The following SLC44A3 variants were observed in gnomAD, a reference collection of about 807,000 sequenced individuals.
SLC44A3 encodes the protein choline transporter-like protein 3.
Under a neutral mutation model 75.4 loss-of-function variants are expected in SLC44A3, and 74 were observed. The observed-to-expected ratio is 0.98, with a 90% CI of 0.81 to 1.19. The LOEUF is 1.19. Ranked by LOEUF, SLC44A3 falls within the 50% of genes most tolerant of loss-of-function variation. The pLI is 0.00. For missense variants in SLC44A3, 700 were observed against 778.6 expected (o/e 0.90, Z 1.20); for synonymous variants, 310 against 296.9 (o/e 1.04, Z -0.45).
intron 8 of SLC44A3, among the ~76,000 whole-genome samples, chr1:94,844,681 G>A (rs1664162605): frequency 6.6e-6 from 1 of 152,184 alleles, no homozygotes; most frequent in Non-Finnish European, 1.5e-5. Flanking sequence ...GGATCTGGAT[G>A]TTTGTGGGTG....
chr1:94,876,379 G>A (rs989930882), intron 12 of SLC44A3, among the ~76,000 whole-genome samples: 1 of 152,164 alleles, frequency 6.6e-6, no homozygotes, highest in African/African-American at 2.4e-5. Flanking sequence ...TCTTTGTCTG[G>A]AACAGTTGTT....
chr1:94,821,925 G>A (rs1228714076), intron 2 of SLC44A3, among the ~76,000 whole-genome samples: 2 of 152,168 alleles, frequency 1.3e-5, no homozygotes, highest in Admixed American at 6.5e-5. Flanking sequence ...ACATAGACAG[G>A]CTTGGTTACA....
rs902887564 is a variant in SLC44A3, at chr1:94,867,377, G to A, written c.1442G>A (p.Cys481Tyr). The A allele has an allele frequency of 6.2e-7, 1 of 1,605,864 alleles. No homozygotes were observed. Among genetic ancestry groups the A allele is most frequent in the African/African-American group, 1.3e-5 (1 of 74,616 alleles). Residue 481 changes from cysteine (C) to tyrosine (Y), a missense_variant, in exon 12 of 15, where the codon TGT becomes TAT. Physicochemically the swap from Cys to Tyr is radical, Grantham distance 194 (BLOSUM62 -2). Transcript: ENST00000271227. Reference protein sequence around the residue: ...SRYLFRCCYCCFWCLDKYLLH... With the variant: ...SRYLFRCCYCYFWCLDKYLLH... ...TACCTGTTCCGATGCTGCTACTGCT[G>A]TTTCTGGTGTCTTGACAAATACCTG... is the stretch of plus-strand genomic sequence containing the variant.
At chr1:94,855,997 C>A (rs1419479890) in intron 9 of SLC44A3, among the ~76,000 whole-genome samples, 1 of 152,222 alleles carries the variant, frequency 6.6e-6, no homozygotes, top group Admixed American at 6.5e-5. Flanking sequence ...AGTGAATTTA[C>A]CAGTGGATTT....
intron 9 of SLC44A3, among the ~76,000 whole-genome samples, chr1:94,852,245 A>G (rs1011906997): frequency 1.3e-5 from 2 of 152,228 alleles, no homozygotes; most frequent in African/African-American, 4.8e-5. Context: ...TTAAAAGTTG[A>G]TAAGTGGCAT....
chr1:94,849,178 T>C (rs1218034950), intron 9 of SLC44A3, among the ~76,000 whole-genome samples: 1 of 152,000 alleles, frequency 6.6e-6, no homozygotes, highest in Admixed American at 6.5e-5. Flanking sequence ...TGCAGCCACC[T>C]CTCAGGATCA....
At chr1:94,822,160 A>G (rs991472401) in intron 2 of SLC44A3, among the ~76,000 whole-genome samples, 2 of 152,246 alleles carry the variant, frequency 1.3e-5, no homozygotes, top group Middle Eastern at 3.4e-3. Context: ...TTGTGATTTA[A>G]TGATCTGCCG....
chr1:94,832,235 A>G lies in SLC44A3; in HGVS notation c.509+3649A>G, dbSNP rs185366984. Among the ~76,000 whole-genome samples the G allele has an allele frequency of 3.3e-5, 5 of 152,334 alleles. No homozygotes were observed. The East Asian group carries it at 9.6e-4, about 29-fold the overall frequency. ...AAATCTCGAAAGGCGTAGCAGTTAC[A>G]TAGATGTGTATGTTTATCAAAGTCT... On this transcript the variant is annotated intron_variant, in intron 5 of 14. Transcript: ENST00000271227.
At position 94,894,086 on chromosome 1, in the gene SLC44A3, C is replaced by T. The variant is rs975577812; in HGVS notation, c.1858-732C>T. Reference sequence around the variant, plus strand: ...CTCCAGCCTGGGCGACAGAGGGTGACTCCGTCTCCACCACCTCCCCCCCAA... The same window carrying T: ...CTCCAGCCTGGGCGACAGAGGGTGATTCCGTCTCCACCACCTCCCCCCCAA... On this transcript the variant is annotated intron_variant, in intron 14 of 14. Transcript: ENST00000271227. Among the ~76,000 whole-genome samples the T allele has an allele frequency of 4.6e-5, 7 of 151,920 alleles. No homozygotes were observed. The East Asian group carries it at 7.8e-4, about 17-fold the overall frequency.
intron 8 of SLC44A3, among the ~76,000 whole-genome samples, chr1:94,844,191 G>A (rs1280962946): frequency 1.3e-5 from 2 of 152,182 alleles, no homozygotes; most frequent in East Asian, 1.9e-4. Context: ...CACAAGAGGG[G>A]AACCTAACTT....
At position 94,831,955 on chromosome 1, in the gene SLC44A3, C is replaced by G. The variant is rs553323168; in HGVS notation, c.509+3369C>G. On this transcript the variant is annotated intron_variant, in intron 5 of 14. Coordinates refer to ENST00000271227, the MANE Select transcript of SLC44A3 (RefSeq NM_001114106.3). ...TTGGAAGGGCGAGGCGGGCAGATCA[C>G]CTGAGGTCAGGACCAGCTTGGCCAA... 3.9e-4 allele frequency among the ~76,000 whole-genome samples: 59 copies of G among 152,244 alleles called. No individual in the cohort carries two copies. In the South Asian group the frequency reaches 4.2e-3, roughly 11 times the overall value.
intron 10 of SLC44A3, among the ~76,000 whole-genome samples, chr1:94,859,977 A>T (rs551104986): frequency 1.3e-5 from 2 of 152,234 alleles, no homozygotes; most frequent in Non-Finnish European, 2.9e-5. Flanking sequence ...CTCATCAGAC[A>T]ACAAGCAACA....
chr1:94,851,846 G>A (rs1317127018), intron 9 of SLC44A3, among the ~76,000 whole-genome samples: 1 of 152,212 alleles, frequency 6.6e-6, no homozygotes, highest in African/African-American at 2.4e-5. Flanking sequence ...AATTAGGCCT[G>A]CTTCCCTTGG....
intron 1 of SLC44A3, 150 bp downstream of exon 1, chr1:94,820,628 G>T: frequency 7.3e-7 from 1 of 1,370,044 alleles, no homozygotes; most frequent in Non-Finnish European, 9.4e-7. Flanking sequence ...CACCTGGCGG[G>T]GAGGAACCTG....
chr1:94,879,999 C>T (rs1668776858), intron 12 of SLC44A3, among the ~76,000 whole-genome samples: 1 of 152,122 alleles, frequency 6.6e-6, no homozygotes, highest in Non-Finnish European at 1.5e-5. Flanking sequence ...TCAGGATGAC[C>T]ACTATCAAAA....
intron 11 of SLC44A3, among the ~76,000 whole-genome samples, chr1:94,865,154 G>C (rs1667012815): frequency 6.6e-6 from 1 of 152,132 alleles, no homozygotes; most frequent in Non-Finnish European, 1.5e-5. Flanking sequence ...GGAGGGAGTA[G>C]TTCTGAGTTA....
At chr1:94,866,471 C>A (rs1667180995) in intron 11 of SLC44A3, among the ~76,000 whole-genome samples, 1 of 152,178 alleles carries the variant, frequency 6.6e-6, no homozygotes, top group Non-Finnish European at 1.5e-5. Flanking sequence ...AAAAAAATTT[C>A]TTCCTCAGCA....
chr1:94,823,112 C>G (rs1205270653), intron 2 of SLC44A3, among the ~76,000 whole-genome samples: 1 of 152,176 alleles, frequency 6.6e-6, no homozygotes, highest in Admixed American at 6.5e-5. Flanking sequence ...TCACCACAGG[C>G]TTTCCAAAGG....
intron 5 of SLC44A3, among the ~76,000 whole-genome samples, chr1:94,831,446 A>T (rs1408328236): frequency 6.6e-6 from 1 of 152,196 alleles, no homozygotes; most frequent in Non-Finnish European, 1.5e-5. Flanking sequence ...CCTCTTTTTG[A>T]CTAAACTGAT....
Sources: allele counts gnomAD v4.1 joint callset (sites outside exome capture counted in the v4.1 genomes callset), GRCh38; gene constraint gnomAD v4.1.1; transcripts MANE v1.5; gene names NCBI Gene and HGNC (gene_info 2026-07-23, HGNC 2026-07-21).